PALLD: variants seen among roughly 807,000 people sequenced by gnomAD.
The protein encoded by PALLD is palladin, cytoskeletal associated protein.
PALLD carries 61 observed loss-of-function variants against 123.5 expected under a neutral mutation model. That is an observed-to-expected ratio of 0.49 (90% CI 0.40 to 0.61). The LOEUF is 0.61. Ranked by LOEUF, PALLD falls within the 20% of genes least tolerant of loss-of-function variation. The pLI, the probability that PALLD is intolerant of heterozygous loss-of-function variation, is 0.00. For synonymous variants in PALLD, 465 were observed against 496.4 expected (o/e 0.94, Z 0.84); for missense variants, 1,273 against 1,377.0 (o/e 0.92, Z 1.20).
chr4:168,914,601 T>TG (rs1759723767), intron 16 of PALLD, among the ~76,000 whole-genome samples: 2 of 151,920 alleles, frequency 1.3e-5, no homozygotes, highest in African/African-American at 4.9e-5. Context: ...GATGGAACAA[T>TG]GGTAGGCAGA....
chr4:168,624,701 G>C (rs1775072307), intron 2 of PALLD, among the ~76,000 whole-genome samples: 1 of 152,012 alleles, frequency 6.6e-6, no homozygotes, highest in South Asian at 2.1e-4. Flanking sequence ...AGAGAATTGG[G>C]AAATATTTAT....
intron 2 of PALLD, among the ~76,000 whole-genome samples, chr4:168,604,910 T>C (rs1773019369): frequency 1.3e-5 from 2 of 152,226 alleles, no homozygotes; most frequent in Admixed American, 1.3e-4. Context: ...AGTTAAGATA[T>C]ACTATTACAT....
At chr4:168,810,840 G>A (rs1270882633) in intron 10 of PALLD, among the ~76,000 whole-genome samples, 3 of 151,030 alleles carry the variant, frequency 2.0e-5, no homozygotes, top group Admixed American at 6.6e-5. Flanking sequence ...AAAAAAAGAA[G>A]AAGAAGAAGA....
At chr4:168,594,641 G>A (rs375805383) in intron 2 of PALLD, among the ~76,000 whole-genome samples, 110 of 152,070 alleles carry the variant, frequency 7.2e-4, no homozygotes, top group African/African-American at 2.3e-3. Flanking sequence ...TGCCCAATTG[G>A]GATATATTAC....
In PALLD at chr4:168,913,136, C is replaced by CT. The variant is rs33986728; in HGVS notation, c.2623-773dup. Among the ~76,000 whole-genome samples, 832 of 118,986 alleles carry CT rather than the reference C, an allele frequency of 7.0e-3. 6 individuals carry two copies. The highest frequency in any genetic ancestry group is 8.1e-3 in the Admixed American group (92 of 11,380). 78.1% of individuals were successfully genotyped at this position (118,986 alleles called of 152,430 possible). A position where few individuals can be genotyped will look rare whatever the true frequency, so the allele number is the denominator to read the frequency against. On this transcript the variant is annotated intron_variant, in intron 15 of 21. Coordinates refer to ENST00000505667, the MANE Select transcript of PALLD (RefSeq NM_001166108.2). Reference sequence around the variant, plus strand: ...TGGTTTGGGGAAGGGATGCCACTAACTTTTTTTTTTTTTTTTTTGAGACAG... The same window carrying CT: ...TGGTTTGGGGAAGGGATGCCACTAACTTTTTTTTTTTTTTTTTTTGAGACAG...
At chr4:168,709,216 A>G in intron 9 of PALLD, 69 bp downstream of exon 9, 1 of 1,557,706 alleles carries the variant, frequency 6.4e-7, no homozygotes, top group South Asian at 1.1e-5. Context: ...CACAGCAGAA[A>G]GGCACCGTCC....
intron 2 of PALLD, among the ~76,000 whole-genome samples, chr4:168,627,020 T>A (rs186913784): frequency 6.6e-6 from 1 of 152,358 alleles, no homozygotes; most frequent in East Asian, 1.9e-4. Context: ...AGATCTTTTG[T>A]ACAACAGCAT....
chr4:168,587,819 C>T lies in PALLD; in HGVS notation c.908+75407C>T, dbSNP rs72697260. ...CAATAGCCAAAAAACTGAGTCACCACTTGGCCTAACAGCACTCAGATGATT... is the reference window on the plus strand; with the variant it reads ...CAATAGCCAAAAAACTGAGTCACCATTTGGCCTAACAGCACTCAGATGATT... On this transcript the variant is annotated intron_variant, in intron 2 of 21. Coordinates refer to ENST00000505667, the MANE Select transcript of PALLD (RefSeq NM_001166108.2). Among the ~76,000 whole-genome samples the T allele has an allele frequency of 5.0e-3, 760 of 152,218 alleles. 5 individuals carry two copies. The highest frequency in any genetic ancestry group is 0.02 in the Middle Eastern group (6 of 294).
At chr4:168,498,615 T>C (rs956827916) in intron 1 of PALLD, among the ~76,000 whole-genome samples, 6 of 152,216 alleles carry the variant, frequency 3.9e-5, no homozygotes, top group Non-Finnish European at 5.9e-5. Context: ...GAGCTCCAGT[T>C]AGAAATTCAG....
chr4:168,808,341 A>C (rs1353559282), intron 10 of PALLD, among the ~76,000 whole-genome samples: 1 of 151,818 alleles, frequency 6.6e-6, no homozygotes, highest in Admixed American at 6.6e-5. Flanking sequence ...TTAGCCAGGC[A>C]TGGTGACGTG....
intron 5 of PALLD, among the ~76,000 whole-genome samples, chr4:168,684,720 T>C (rs998127291): frequency 6.6e-6 from 1 of 152,300 alleles, no homozygotes; most frequent in African/African-American, 2.4e-5. Flanking sequence ...CTTCCAGGGT[T>C]AATGAATAAA....
chr4:168,546,487 G>A (rs958175469), intron 2 of PALLD, among the ~76,000 whole-genome samples: 2 of 152,102 alleles, frequency 1.3e-5, no homozygotes, highest in Admixed American at 1.3e-4. Context: ...AGCTATTGGG[G>A]TCCACAAAGC....
intron 21 of PALLD, 36 bp downstream of exon 21, chr4:168,925,314 T>G (rs1450299864): frequency 2.0e-6 from 3 of 1,481,208 alleles, no homozygotes; most frequent in Non-Finnish European, 2.8e-6. Flanking sequence ...TAGCAAAATA[T>G]GCATGTTGAT....
intron 10 of PALLD, among the ~76,000 whole-genome samples, chr4:168,826,115 T>G (rs1472537019): frequency 6.6e-6 from 1 of 152,182 alleles, no homozygotes; most frequent in Admixed American, 6.5e-5. Flanking sequence ...CTATGCCTCT[T>G]TAGTAATCCA....
chr4:168,867,755 G>A (rs1352540647), intron 10 of PALLD, among the ~76,000 whole-genome samples: 1 of 151,786 alleles, frequency 6.6e-6, no homozygotes, highest in African/African-American at 2.4e-5. Context: ...TTCTTGTTGG[G>A]CCTTTGGTAC....
intron 2 of PALLD, among the ~76,000 whole-genome samples, chr4:168,620,618 G>A (rs1774678628): frequency 6.6e-6 from 1 of 152,144 alleles, no homozygotes; most frequent in Non-Finnish European, 1.5e-5. Flanking sequence ...TGTGCACTAT[G>A]TAGAGGCTGG....
intron 10 of PALLD, among the ~76,000 whole-genome samples, chr4:168,859,929 CATAAG>C (rs1749194889): frequency 6.6e-6 from 1 of 152,144 alleles, no homozygotes; most frequent in Non-Finnish European, 1.5e-5. Context: ...TAAAAATTGT[CATAAG>C]ATCATTTTCC....
At chr4:168,795,571 A>G (rs1020328040) in intron 10 of PALLD, among the ~76,000 whole-genome samples, 2 of 152,228 alleles carry the variant, frequency 1.3e-5, no homozygotes, top group Non-Finnish European at 2.9e-5. Context: ...TTAACATGTG[A>G]AAATCTTCCT....
intron 2 of PALLD, among the ~76,000 whole-genome samples, chr4:168,662,341 G>A (rs1467996026): frequency 2.0e-5 from 3 of 152,154 alleles, no homozygotes; most frequent in Non-Finnish European, 4.4e-5. Flanking sequence ...ATTAAACAGG[G>A]CTTTCAGGAT....
Sources: gnomAD v4.1 joint callset for allele counts (sites outside exome capture counted in the v4.1 genomes callset) on GRCh38, gnomAD v4.1.1 for gene constraint, MANE v1.5 for transcripts, NCBI Gene and HGNC (gene_info 2026-07-23, HGNC 2026-07-21) for gene names.